Variants in DUT observed in about 807,000 individuals in gnomAD.
The protein encoded by DUT is deoxyuridine 5'-triphosphate nucleotidohydrolase, mitochondrial.
A neutral mutation model predicts 28.8 loss-of-function variants in DUT; 21 were observed. That is an observed-to-expected ratio of 0.73 (90% CI 0.52 to 1.05). DUT has a LOEUF of 1.05. Among genes scored for constraint, DUT ranks in the 50% least tolerant of loss-of-function variants. The probability of loss-of-function intolerance (pLI) is 0.00; values close to 1 mark genes in which losing one functional copy is unlikely to be tolerated. For missense variants in DUT, 344 were observed against 351.8 expected (o/e 0.98, Z 0.18); for synonymous variants, 147 against 143.7 (o/e 1.02, Z -0.17).
At chr15:48,337,435 T>G (rs2042487501) in intron 4 of DUT, among the ~76,000 whole-genome samples, 1 of 152,192 alleles carries the variant, frequency 6.6e-6, no homozygotes, top group Non-Finnish European at 1.5e-5. Context: ...TTACTTAACC[T>G]TTCTGAGCCT....
At chr15:48,331,302 G>GC, upstream of DUT, 1 of 1,445,108 alleles carries the variant, frequency 6.9e-7, no homozygotes, top group Non-Finnish European at 9.1e-7. Flanking sequence ...AGAGGCGGCA[G>GC]CAAGACTCAA....
At chr15:48,331,391 C>T, upstream of DUT, 1 of 1,494,370 alleles carries the variant, frequency 6.7e-7, no homozygotes, top group East Asian at 2.6e-5. Flanking sequence ...TCTCCACGCC[C>T]CTCGTCCGGC....
At chr15:48,339,205 G>A (rs1459392600) in intron 4 of DUT, among the ~76,000 whole-genome samples, 1 of 151,736 alleles carries the variant, frequency 6.6e-6, no homozygotes, top group African/African-American at 2.4e-5. Flanking sequence ...TAATCTCAAA[G>A]GATAAAAAGA....
chr15:48,332,340 G>A lies in DUT; in HGVS notation c.353G>A (p.Arg118Gln), dbSNP rs1229586760. Residue 118 changes from arginine to glutamine, a missense_variant, in exon 2 of 7, where the codon CGG (arginine) becomes CAG (glutamine). Transcript: ENST00000331200. Reference sequence around the variant, plus strand: ...GGCGGCATGCAGCTCCGCTTTGCCCGGCTCTCCGAGCACGCCACGGCCCCC... The same window carrying A: ...GGCGGCATGCAGCTCCGCTTTGCCCAGCTCTCCGAGCACGCCACGGCCCCC... ...EVGGMQLRFA[R>Q]LSEHATAPTR... 2 of 1,606,360 alleles carry A rather than the reference G, an allele frequency of 1.2e-6. No individual in the cohort carries two copies. The highest frequency in any genetic ancestry group is 1.7e-6 in the Non-Finnish European group (2 of 1,177,482).
chr15:48,338,869 G>T (rs2042501462), intron 4 of DUT, among the ~76,000 whole-genome samples: 1 of 152,230 alleles, frequency 6.6e-6, no homozygotes, highest in African/African-American at 2.4e-5. Flanking sequence ...GGGCGTTGTG[G>T]CTCATGCCTG....
chr15:48,332,218 C>T (rs766854444), intron 1 of DUT, 50 bp from the exon 2 acceptor site: 10 of 1,548,658 alleles, frequency 6.5e-6, no homozygotes, highest in South Asian at 2.4e-5. Context: ...TCCTCTTCCC[C>T]CGGTGGTCTC....
intron 1 of DUT, 82 bp from the exon 2 acceptor site, chr15:48,332,186 C>A: frequency 6.7e-7 from 1 of 1,489,492 alleles, no homozygotes; most frequent in Non-Finnish European, 8.9e-7. Context: ...GCGCTCCCTG[C>A]GGCGACGCTC....
chr15:48,331,127 C>T, upstream of DUT: 9 of 1,304,144 alleles, frequency 6.9e-6, no homozygotes, highest in Middle Eastern at 4.4e-4. Context: ...AGATGCGGTT[C>T]CGGCGCTTAG....
rs541113636 is a variant in DUT, at chr15:48,342,244, A to G, written c.*166A>G. ...TTTTTTTATGATCAAGGAAAAGATC[A>G]TTAAAAAAAAACACAAAGAAGTTTT... On this transcript the variant is annotated 3_prime_UTR_variant, in exon 7 of 7. Coordinates refer to ENST00000331200, the MANE Select transcript of DUT (RefSeq NM_001025248.2). 2.3e-5 allele frequency: 9 copies of G among 396,560 alleles called. No homozygotes were observed. In the South Asian group the frequency reaches 2.8e-4, roughly 12 times the overall value. The allele number at this position is 396,560 out of a possible 1,614,324, so 24.6% of individuals were successfully genotyped here.
chr15:48,331,162 G>A, upstream of DUT: 1 of 1,520,400 alleles, frequency 6.6e-7, no homozygotes, highest in South Asian at 1.2e-5. Flanking sequence ...CAGAGCCCGG[G>A]AGTCATGGCT....
At chr15:48,341,002 G>T (rs1399929052) in intron 4 of DUT, 3 of 266,290 alleles carry the variant, frequency 1.1e-5, no homozygotes, top group Non-Finnish European at 7.0e-6. Flanking sequence ...TGGGTAGACA[G>T]TAGGTTGGAG....
intron 4 of DUT, among the ~76,000 whole-genome samples, chr15:48,336,665 T>C (rs891627347): frequency 2.6e-5 from 4 of 152,200 alleles, no homozygotes; most frequent in Non-Finnish European, 4.4e-5. Context: ...GTGGTTTCCT[T>C]GTTTCAGGTC....
At chr15:48,332,225 T>C (rs2042424140) in intron 1 of DUT, 43 bp from the exon 2 acceptor site, 6 of 1,553,150 alleles carry the variant, frequency 3.9e-6, no homozygotes, top group African/African-American at 1.4e-5. Flanking sequence ...CCCCCGGTGG[T>C]CTCCTCGCTC....
At position 48,342,139 on chromosome 15, in the gene DUT, T is replaced by C; in HGVS notation, c.*61T>C. On this transcript the variant is annotated 3_prime_UTR_variant, in exon 7 of 7. Coordinates refer to ENST00000331200, the MANE Select transcript of DUT (RefSeq NM_001025248.2). Reference sequence around the variant, plus strand: ...CTTTTTCTTAAAAAAAAAAAAAAAGTTTTTGCTTCAAGTGTTTTGGTGTTT... The same window carrying C: ...CTTTTTCTTAAAAAAAAAAAAAAAGCTTTTGCTTCAAGTGTTTTGGTGTTT... 1 of 1,065,274 alleles carries C rather than the reference T, an allele frequency of 9.4e-7. No homozygotes were observed. Among genetic ancestry groups the C allele is most frequent in the Non-Finnish European group, 1.3e-6 (1 of 755,480 alleles). 66.0% of individuals were successfully genotyped at this position (1,065,274 alleles called of 1,614,324 possible).
At chr15:48,337,271 C>G (rs1042963159) in intron 4 of DUT, among the ~76,000 whole-genome samples, 2 of 152,148 alleles carry the variant, frequency 1.3e-5, no homozygotes, top group Non-Finnish European at 2.9e-5. Context: ...TTCAAAAATG[C>G]TTTTACAAGG....
In DUT at chr15:48,332,338, C is replaced by G; in HGVS notation, c.351C>G (p.Ala117=). ...AEVGGMQLRF[A]RLSEHATAPT... ...TGGGCGGCATGCAGCTCCGCTTTGC[C>G]CGGCTCTCCGAGCACGCCACGGCCC... The change falls in exon 2 of 7, where the codon GCC becomes GCG. Residue 117 remains alanine (A), a synonymous_variant. Coordinates refer to ENST00000331200, the MANE Select transcript of DUT (RefSeq NM_001025248.2). 1 of 1,607,096 alleles carries G rather than the reference C, an allele frequency of 6.2e-7. No homozygotes were observed. The highest frequency in any genetic ancestry group is 8.5e-7 in the Non-Finnish European group (1 of 1,177,708).
Position 48,341,310 on chromosome 15 carries a change from A to T in DUT, c.578A>T (p.Tyr193Phe), listed in dbSNP as rs1205430094. ...CTAGCTGGTGTCATAGATGAAGATTATAGAGGAAATGTTGGTGTTGTACTG... is the reference window on the plus strand; with the variant it reads ...CTAGCTGGTGTCATAGATGAAGATTTTAGAGGAAATGTTGGTGTTGTACTG... ...DVGAGVIDEDYRGNVGVVLFN... is the reference protein window; with the variant it reads ...DVGAGVIDEDFRGNVGVVLFN... Residue 193 changes from tyrosine (Y) to phenylalanine (F), a missense_variant, in exon 5 of 7, where the codon TAT (tyrosine) becomes TTT (phenylalanine). Transcript: ENST00000331200. 3.7e-6 allele frequency: 6 copies of T among 1,605,896 alleles called. No individual in the cohort carries two copies. The highest frequency in any genetic ancestry group is 5.1e-6 in the Non-Finnish European group (6 of 1,176,748).
upstream of DUT, chr15:48,331,142 CCG>C (rs1225612568): frequency 7.5e-5 from 99 of 1,323,340 alleles, no homozygotes; most frequent in Non-Finnish European, 9.4e-5. Flanking sequence ...GCTTAGGGCG[CCG>C]CTAAACTCAG....
intron 1 of DUT, 162 bp from the exon 2 acceptor site, chr15:48,332,106 C>T: frequency 5.1e-6 from 7 of 1,372,366 alleles, no homozygotes; most frequent in Admixed American, 3.4e-5. Flanking sequence ...CCCTCTCAGC[C>T]AGAACTGTGG....
Sources: allele counts gnomAD v4.1 joint callset (sites outside exome capture counted in the v4.1 genomes callset), GRCh38; gene constraint gnomAD v4.1.1; transcripts MANE v1.5; gene names NCBI Gene and HGNC (gene_info 2026-07-23, HGNC 2026-07-21).